Variants in CEP63 observed in about 807,000 individuals in gnomAD.
CEP63 encodes the protein centrosomal protein of 63 kDa.
Under a neutral mutation model 89.1 loss-of-function variants are expected in CEP63, and 84 were observed. The observed-to-expected ratio is 0.94, with a 90% CI of 0.79 to 1.13. The LOEUF (loss-of-function observed/expected upper bound fraction) is 1.13. CEP63 is among the 50% of genes most tolerant of loss of function. The pLI, the probability that CEP63 is intolerant of heterozygous loss-of-function variation, is 0.00. For synonymous variants in CEP63, 267 were observed against 272.5 expected (o/e 0.98, Z 0.20); for missense variants, 838 against 813.3 (o/e 1.03, Z -0.37).
chr3:134,559,032 C>T (rs1320405034), intron 13 of CEP63, 118 bp from the exon 14 acceptor site: 2 of 1,016,346 alleles, frequency 2.0e-6, no homozygotes, highest in East Asian at 2.4e-5. Flanking sequence ...GTAGGTTGCT[C>T]ATTTTGTAAA....
the CEP63 span, among the ~76,000 whole-genome samples, chr3:134,615,916 G>C: frequency 1.4e-4 from 22 of 152,356 alleles, no homozygotes; most frequent in African/African-American, 4.6e-4. Context: ...TGGAAAGCCA[G>C]CTGACATCTG....
Position 134,507,564 on chromosome 3 carries a change from C to T in CEP63, c.222+278C>T, listed in dbSNP as rs1254958389. 2.6e-5 allele frequency among the ~76,000 whole-genome samples: 4 copies of T among 151,924 alleles called. No homozygotes were observed. In the East Asian group the frequency reaches 7.7e-4, roughly 29 times the overall value. On this transcript the variant is annotated intron_variant, in intron 3 of 14. Coordinates refer to ENST00000675561, the MANE Select transcript of CEP63 (RefSeq NM_001353108.3). ...GGGTACCACACATTGTTTGTTTAAC[C>T]TTCATCATATTACATGTTTATATTA...
At chr3:134,524,973 T>G (rs1269148931) in intron 3 of CEP63, among the ~76,000 whole-genome samples, 1 of 152,214 alleles carries the variant, frequency 6.6e-6, no homozygotes, top group East Asian at 1.9e-4. Context: ...CTCTTCTTTC[T>G]ACATCTGGTA....
chr3:134,543,925 T>A (rs1239178080), intron 6 of CEP63, among the ~76,000 whole-genome samples: 3 of 151,832 alleles, frequency 2.0e-5, no homozygotes, highest in African/African-American at 7.3e-5. Flanking sequence ...ACCTAAATGT[T>A]GATGTTCTTC....
At chr3:134,651,635 C>T in the CEP63 span, 1 of 985,936 alleles carries the variant, frequency 1.0e-6, no homozygotes. Flanking sequence ...CAGTTACGGC[C>T]CCTGTAGAAC....
the CEP63 span, among the ~76,000 whole-genome samples, chr3:134,771,812 C>G: frequency 6.6e-6 from 1 of 152,118 alleles, no homozygotes; most frequent in African/African-American, 2.4e-5. Flanking sequence ...AAGGAAAAAG[C>G]ACCCACACAA....
chr3:134,683,342 C>G, the CEP63 span, among the ~76,000 whole-genome samples: 2 of 152,258 alleles, frequency 1.3e-5, no homozygotes, highest in African/African-American at 4.8e-5. Flanking sequence ...TAGAAGTATA[C>G]AACTTCAGAG....
At chr3:134,614,418 T>C in the CEP63 span, among the ~76,000 whole-genome samples, 3 of 152,090 alleles carry the variant, frequency 2.0e-5, no homozygotes, top group African/African-American at 7.2e-5. Flanking sequence ...TAAGATGCCC[T>C]GAACAAGCTG....
intron 6 of CEP63, 151 bp downstream of exon 6, chr3:134,537,419 T>C (rs917829965): frequency 1.5e-6 from 1 of 661,652 alleles, no homozygotes; most frequent in Non-Finnish European, 2.8e-6. Flanking sequence ...CCTCAGCATC[T>C]AGACTCAGCT....
At chr3:134,517,811 G>A (rs1221067833) in intron 3 of CEP63, among the ~76,000 whole-genome samples, 1 of 152,044 alleles carries the variant, frequency 6.6e-6, no homozygotes, top group Non-Finnish European at 1.5e-5. Context: ...TATCTCAGAG[G>A]GACATTTATA....
the CEP63 span, chr3:134,603,998 GCT>G: frequency 6.2e-7 from 1 of 1,613,874 alleles, no homozygotes; most frequent in East Asian, 2.2e-5. Flanking sequence ...TGGACTTTCA[GCT>G]CGGTCTGCTT....
the CEP63 span, among the ~76,000 whole-genome samples, chr3:134,740,598 C>G: frequency 6.6e-6 from 1 of 152,104 alleles, no homozygotes; most frequent in Admixed American, 6.5e-5. Context: ...TGCCCCGCCT[C>G]TTTCTCTTCT....
intron 1 of CEP63, among the ~76,000 whole-genome samples, chr3:134,494,919 C>T (rs918264650): frequency 6.6e-6 from 1 of 152,228 alleles, no homozygotes; most frequent in East Asian, 1.9e-4. Context: ...GCTATACTTT[C>T]CCTCTGACAT....
In CEP63 at chr3:134,506,943, A is replaced by T. The variant is rs908650409; in HGVS notation, c.45-166A>T. On this transcript the variant is annotated intron_variant, in intron 2 of 14. Transcript: ENST00000675561. ...CAAAAAAAAAAAAAAAAAAAAAAAA[A>T]GCTCAGCAATCCTATTCTTTGCTTC... is the stretch of plus-strand genomic sequence containing the variant. Among the ~76,000 whole-genome samples the T allele has an allele frequency of 3.5e-4, 52 of 150,082 alleles. 1 individual carries two copies. The East Asian group carries it at 9.0e-3, about 26-fold the overall frequency.
chr3:134,673,327 A>G, the CEP63 span, among the ~76,000 whole-genome samples: 1 of 152,086 alleles, frequency 6.6e-6, no homozygotes, highest in Non-Finnish European at 1.5e-5. Flanking sequence ...TCATGGCCTC[A>G]TATAGAAGCC....
downstream of CEP63, among the ~76,000 whole-genome samples, chr3:134,569,734 C>T (rs987320189): frequency 3.9e-5 from 6 of 152,214 alleles, no homozygotes; most frequent in African/African-American, 1.4e-4. Flanking sequence ...ACAGTTCCAC[C>T]AGGCACTACC....
At chr3:134,748,795 G>T in the CEP63 span, among the ~76,000 whole-genome samples, 15 of 152,318 alleles carry the variant, frequency 9.8e-5, no homozygotes, top group Non-Finnish European at 1.5e-5. Flanking sequence ...CAAGGAGCTT[G>T]AAGTCTAGGG....
chr3:134,666,869 G>A, the CEP63 span, among the ~76,000 whole-genome samples: 7 of 152,308 alleles, frequency 4.6e-5, no homozygotes, highest in East Asian at 1.9e-4. Flanking sequence ...GAGGTCTAGC[G>A]ATGGCAAGTA....
At chr3:134,508,934 G>A (rs1944175356) in intron 3 of CEP63, among the ~76,000 whole-genome samples, 1 of 150,000 alleles carries the variant, frequency 6.7e-6, no homozygotes, top group Non-Finnish European at 1.5e-5. Context: ...TAGAATTTGT[G>A]TGTGAGATTG....
Sources: gnomAD v4.1 joint callset for allele counts (sites outside exome capture counted in the v4.1 genomes callset) on GRCh38, gnomAD v4.1.1 for gene constraint, MANE v1.5 for transcripts, NCBI Gene and HGNC (gene_info 2026-07-23, HGNC 2026-07-21) for gene names.